SSUH2: variants seen among roughly 807,000 people sequenced by gnomAD.
SSUH2 encodes protein SSUH2 homolog.
Under a neutral mutation model 55.3 loss-of-function variants are expected in SSUH2, and 47 were observed. The ratio of observed to expected loss-of-function variants is 0.85; its 90% CI spans 0.67 to 1.08. SSUH2 has a LOEUF of 1.08. Ranked by LOEUF, SSUH2 falls within the 50% of genes least tolerant of loss-of-function variation. The probability of loss-of-function intolerance (pLI) is 0.00; values close to 1 mark genes in which losing one functional copy is unlikely to be tolerated. For missense variants in SSUH2, 535 were observed against 490.7 expected (o/e 1.09, Z -0.85); for synonymous variants, 212 against 191.5 (o/e 1.11, Z -0.89).
chr3:8,623,471 T>A (rs1277454482), intron 11 of SSUH2, 78 bp downstream of exon 11: 1 of 906,382 alleles, frequency 1.1e-6, no homozygotes, highest in Non-Finnish European at 1.8e-6. Flanking sequence ...ATCCTTCCGC[T>A]CCGACGTTCT....
At chr3:8,649,734 T>C (rs1161305512), upstream of SSUH2, among the ~76,000 whole-genome samples, 1 of 152,100 alleles carries the variant, frequency 6.6e-6, no homozygotes, top group Non-Finnish European at 1.5e-5. Context: ...CTCACCTGGA[T>C]TGCTGCAGTC....
chr3:8,626,548 T>A (rs1023380465), intron 8 of SSUH2, among the ~76,000 whole-genome samples: 21 of 33,392 alleles, frequency 6.3e-4, no homozygotes, highest in Non-Finnish European at 2.0e-4. Flanking sequence ...CCCCCCCCCC[T>A]CCCCCACCAC....
intron 7 of SSUH2, among the ~76,000 whole-genome samples, chr3:8,652,875 G>T (rs142987410): frequency 6.6e-6 from 1 of 152,178 alleles, no homozygotes; most frequent in Non-Finnish European, 1.5e-5. Context: ...ACTCTCCACA[G>T]GTCTATTATT....
At chr3:8,631,280 T>C (rs1698717959) in intron 5 of SSUH2, among the ~76,000 whole-genome samples, 1 of 152,180 alleles carries the variant, frequency 6.6e-6, no homozygotes. Context: ...GTATATAAAA[T>C]TGTTAGCACC....
intron 3 of SSUH2, among the ~76,000 whole-genome samples, chr3:8,672,743 G>A (rs564106736): frequency 6.6e-6 from 1 of 152,170 alleles, no homozygotes; most frequent in East Asian, 1.9e-4. Flanking sequence ...TCACAAAAGG[G>A]GTGTACACTT....
chr3:8,634,361 T>G (rs1265344653), intron 3 of SSUH2: 6 of 1,286,418 alleles, frequency 4.7e-6, no homozygotes, highest in Non-Finnish European at 6.1e-6. Context: ...CCCCTCCTCC[T>G]GGAAGTCCCT....
rs1343717511 is a variant in SSUH2 at position 8,634,537 on chromosome 3, C to G, written c.210-742G>C. 3.1e-6 allele frequency: 4 copies of G among 1,289,700 alleles called. No individual in the cohort carries two copies. The African/African-American group carries it at 4.6e-5, about 15-fold the overall frequency. 79.9% of individuals were successfully genotyped at this position (1,289,700 alleles called of 1,614,324 possible). A position where few individuals can be genotyped will look rare whatever the true frequency, so the allele number is the denominator to read the frequency against. ...ACTTGTATCTCCAGCATCCTCCAGC[C>G]CTGGCACACAGAGGGGCCCGTCTGT... On this transcript the variant is annotated intron_variant, in intron 3 of 11. Transcript: ENST00000544814.
rs779809123 is a variant in SSUH2 at position 8,619,947 on chromosome 3, T to C, written c.1049A>G (p.Tyr350Cys). ...CTGGTGGTCAGTGCCATAGATGTAG[T>C]AGACATAAGTCTTTCCTTGGTACCA... ...HYWYQGKTYVYYIYGTDHQVY... is the reference protein window; with the variant it reads ...HYWYQGKTYVCYIYGTDHQVY... The change falls in exon 12 of 12, where the codon TAC becomes TGC. Residue 350 changes from tyrosine to cysteine, a missense_variant. Transcript: ENST00000544814. 1.2e-6 allele frequency: 2 copies of C among 1,614,184 alleles called. No individual in the cohort carries two copies. The highest frequency in any genetic ancestry group is 1.1e-5 in the South Asian group (1 of 91,078).
At chr3:8,639,783 C>G (rs1700530506) in intron 1 of SSUH2, among the ~76,000 whole-genome samples, 1 of 152,168 alleles carries the variant, frequency 6.6e-6, no homozygotes. Flanking sequence ...TTCCCATCAC[C>G]ATCTTACTTG....
At chr3:8,659,764 T>C (rs577710896) in intron 6 of SSUH2, 1 of 456,406 alleles carries the variant, frequency 2.2e-6, no homozygotes, top group Admixed American at 2.4e-5. Context: ...GGGTATTTAT[T>C]GTGTGCAGTG....
chr3:8,655,708 A>C (rs964094238), intron 7 of SSUH2, among the ~76,000 whole-genome samples: 3 of 152,368 alleles, frequency 2.0e-5, no homozygotes, highest in African/African-American at 7.2e-5. Flanking sequence ...GACATCAATG[A>C]GCTGACAGCG....
intron 3 of SSUH2, chr3:8,634,390 C>G (rs1387922199): frequency 1.1e-5 from 14 of 1,285,562 alleles, no homozygotes; most frequent in Non-Finnish European, 1.4e-5. Flanking sequence ...GCCATGCCAC[C>G]CCCTTACTGA....
At position 8,633,739 on chromosome 3, in the gene SSUH2, G is replaced by C. The variant is rs571846130; in HGVS notation, c.266C>G (p.Ser89Cys). Residue 89 changes from serine (S) to cysteine (C), a missense_variant, in exon 4 of 12, where the codon TCT becomes TGT. Physicochemically the swap from Ser to Cys is moderately radical, Grantham distance 112 (BLOSUM62 -1). Transcript: ENST00000544814. ...AREALLSFVD[S>C]KCCYSSTVAG... is the part of the protein sequence containing the mutation. ...CACCGTGCTGCTGTAGCAGCACTTA[G>C]AGTCCACAAAGCTGAGGAGGGCTTC... 5 of 1,601,184 alleles carry C rather than the reference G, an allele frequency of 3.1e-6. No individual in the cohort carries two copies. The highest frequency in any genetic ancestry group is 4.5e-5 in the East Asian group (2 of 44,648).
At chr3:8,675,696 A>T (rs1238880805) in intron 3 of SSUH2, among the ~76,000 whole-genome samples, 2 of 152,126 alleles carry the variant, frequency 1.3e-5, no homozygotes, top group Non-Finnish European at 2.9e-5. Context: ...GTGGATCCCA[A>T]ACTTTGCAGT....
At chr3:8,674,565 G>A (rs192770102) in intron 3 of SSUH2, among the ~76,000 whole-genome samples, 5 of 152,280 alleles carry the variant, frequency 3.3e-5, no homozygotes, top group East Asian at 1.9e-4. Flanking sequence ...TGACATCACC[G>A]GAGCCATGGG....
intron 6 of SSUH2, among the ~76,000 whole-genome samples, chr3:8,662,625 G>A (rs1427899291): frequency 6.6e-6 from 1 of 152,206 alleles, no homozygotes; most frequent in East Asian, 1.9e-4. Flanking sequence ...AGTAGAAGAA[G>A]GCTGAGCACC....
At chr3:8,674,437 C>G (rs1222437130) in intron 3 of SSUH2, among the ~76,000 whole-genome samples, 1 of 152,094 alleles carries the variant, frequency 6.6e-6, no homozygotes, top group African/African-American at 2.4e-5. Flanking sequence ...CTCAAGTGTC[C>G]CCAAAGACCC....
At chr3:8,658,513 TG>T (rs1703161125) in intron 7 of SSUH2, among the ~76,000 whole-genome samples, 1 of 152,180 alleles carries the variant, frequency 6.6e-6, no homozygotes, top group South Asian at 2.1e-4. Flanking sequence ...GTGGGGCAGG[TG>T]CGTAAACTCT....
At chr3:8,672,816 G>C (rs1014933686) in intron 3 of SSUH2, among the ~76,000 whole-genome samples, 1 of 152,086 alleles carries the variant, frequency 6.6e-6, no homozygotes, top group Non-Finnish European at 1.5e-5. Flanking sequence ...ATATCACCAG[G>C]TGGATGCACA....
Sources: allele counts gnomAD v4.1 joint callset (sites outside exome capture counted in the v4.1 genomes callset), GRCh38; gene constraint gnomAD v4.1.1; transcripts MANE v1.5; gene names NCBI Gene and HGNC (gene_info 2026-07-23, HGNC 2026-07-21).